Variants in LRMDA observed in about 807,000 individuals in gnomAD.
The protein encoded by LRMDA is leucine-rich melanocyte differentiation-associated protein.
A neutral mutation model predicts 29.8 loss-of-function variants in LRMDA; 18 were observed. The observed-to-expected ratio is 0.60, with a 90% CI of 0.42 to 0.90. The LOEUF (loss-of-function observed/expected upper bound fraction) is 0.90, where lower values mean the gene tolerates loss of function less well. Ranked by LOEUF, LRMDA falls within the 40% of genes least tolerant of loss-of-function variation. The pLI is 0.00. For synonymous variants in LRMDA, 125 were observed against 109.4 expected, an observed-to-expected ratio of 1.14 and a Z score of -0.89; for missense variants, 273 against 273.9, an observed-to-expected ratio of 1.00 and a Z score of 0.02.
intron 2 of LRMDA, among the ~76,000 whole-genome samples, chr10:75,889,815 C>T (rs1845453138): frequency 6.6e-6 from 1 of 152,200 alleles, no homozygotes; most frequent in Non-Finnish European, 1.5e-5. Flanking sequence ...AGAGACAAGA[C>T]CATTCTATGA....
chr10:75,933,367 G>A (rs1384030957), intron 2 of LRMDA, among the ~76,000 whole-genome samples: 4 of 152,152 alleles, frequency 2.6e-5, no homozygotes, highest in Non-Finnish European at 5.9e-5. Flanking sequence ...GACTTGCTTT[G>A]CATCCCTACA....
chr10:75,527,598 T>TCA (rs10700062), intron 2 of LRMDA, among the ~76,000 whole-genome samples: 73,084 of 149,686 alleles, frequency 0.49, 20,351 homozygotes, highest in African/African-American at 0.78. Flanking sequence ...AGGCATAAAC[T>TCA]CAGGATGAAG....
intron 2 of LRMDA, among the ~76,000 whole-genome samples, chr10:75,770,898 T>C (rs1168797496): frequency 6.6e-6 from 1 of 152,054 alleles, no homozygotes; most frequent in South Asian, 2.1e-4. Context: ...CAGAGGGAGA[T>C]AGCTGTGAGT....
At chr10:75,842,537 C>T (rs1229997795) in intron 2 of LRMDA, among the ~76,000 whole-genome samples, 1 of 152,052 alleles carries the variant, frequency 6.6e-6, no homozygotes, top group Non-Finnish European at 1.5e-5. Flanking sequence ...TTGGTGAAAT[C>T]AATTTAGAGG....
intron 6 of LRMDA, among the ~76,000 whole-genome samples, chr10:76,521,732 A>G (rs1843123191): frequency 6.6e-6 from 1 of 152,208 alleles, no homozygotes; most frequent in East Asian, 1.9e-4. Flanking sequence ...TCCCTCAGAT[A>G]TAAATATTTT....
At chr10:75,447,043 C>A (rs911855998) in intron 2 of LRMDA, among the ~76,000 whole-genome samples, 2 of 152,170 alleles carry the variant, frequency 1.3e-5, no homozygotes, top group Non-Finnish European at 2.9e-5. Flanking sequence ...AAGCCTTGAG[C>A]AGAAGAGGTG....
chr10:76,412,397 A>G (rs797017477), intron 6 of LRMDA, among the ~76,000 whole-genome samples: 1 of 152,162 alleles, frequency 6.6e-6, no homozygotes, highest in African/African-American at 2.4e-5. Context: ...ACACAACCTT[A>G]TTTGTTCTTC....
In LRMDA at chr10:76,083,833, CA is replaced by C. The variant is rs71024585; in HGVS notation, c.516+25067del. Among the ~76,000 whole-genome samples, 364 of 116,952 alleles carry C rather than the reference CA, an allele frequency of 3.1e-3. 3 individuals carry two copies. The highest frequency in any genetic ancestry group is 0.022 in the South Asian group (72 of 3,214). 76.7% of individuals were successfully genotyped at this position (116,952 alleles called of 152,430 possible). A position where few individuals can be genotyped will look rare whatever the true frequency, so the allele number is the denominator to read the frequency against. On this transcript the variant is annotated intron_variant, in intron 5 of 6. Transcript: ENST00000611255. ...TGGGCAACAGAGCTAGACTGCATCT[CA>C]AAAAAAAAAAAAAAAAGGGGCTCTA...
chr10:75,539,969 C>G (rs1034577718), intron 2 of LRMDA, among the ~76,000 whole-genome samples: 1 of 152,120 alleles, frequency 6.6e-6, no homozygotes, highest in African/African-American at 2.4e-5. Context: ...AGGTTATTAA[C>G]AGATTCACTA....
intron 6 of LRMDA, among the ~76,000 whole-genome samples, chr10:76,461,610 T>C (rs1258566935): frequency 6.6e-6 from 1 of 152,116 alleles, no homozygotes; most frequent in Non-Finnish European, 1.5e-5. Flanking sequence ...GTAATAAAGC[T>C]CCTGACAGAG....
intron 2 of LRMDA, among the ~76,000 whole-genome samples, chr10:75,681,552 G>A (rs1273779835): frequency 1.3e-5 from 2 of 152,186 alleles, no homozygotes; most frequent in Non-Finnish European, 2.9e-5. Context: ...TTGTTCTGGG[G>A]CACAGGCTGA....
intron 2 of LRMDA, among the ~76,000 whole-genome samples, chr10:75,497,621 C>CT (rs1564786168): frequency 6.6e-6 from 1 of 151,904 alleles, no homozygotes; most frequent in Non-Finnish European, 1.5e-5. Context: ...TGCTCCCTCC[C>CT]CTCCATAGGC....
At chr10:75,829,910 G>A (rs966803988) in intron 2 of LRMDA, among the ~76,000 whole-genome samples, 1 of 131,802 alleles carries the variant, frequency 7.6e-6, no homozygotes, top group South Asian at 2.4e-4. Flanking sequence ...CAACTTCATC[G>A]TGAAAAGATG....
chr10:76,347,727 AT>A (rs1179333847), intron 6 of LRMDA, among the ~76,000 whole-genome samples: 2 of 152,150 alleles, frequency 1.3e-5, no homozygotes, highest in Non-Finnish European at 2.9e-5. Context: ...TGGACTGGTA[AT>A]TTTGTTTTGT....
chr10:75,523,949 A>C (rs1486012969), intron 2 of LRMDA, among the ~76,000 whole-genome samples: 1 of 152,218 alleles, frequency 6.6e-6, no homozygotes, highest in Admixed American at 6.5e-5. Flanking sequence ...GTCAACTGTC[A>C]GTGACTTGGC....
intron 2 of LRMDA, among the ~76,000 whole-genome samples, chr10:75,888,094 G>C (rs760614952): frequency 1.3e-5 from 2 of 152,026 alleles, no homozygotes; most frequent in African/African-American, 2.4e-5. Flanking sequence ...GGTCACTCTC[G>C]ATAAGACACT....
intron 5 of LRMDA, among the ~76,000 whole-genome samples, chr10:76,160,442 A>T (rs1035326374): frequency 1.3e-5 from 2 of 151,980 alleles, no homozygotes; most frequent in Admixed American, 6.6e-5. Flanking sequence ...TATATTTAAA[A>T]TTTTTTTTCT....
At chr10:76,059,561 A>G (rs181763391) in intron 5 of LRMDA, among the ~76,000 whole-genome samples, 33 of 152,308 alleles carry the variant, frequency 2.2e-4, no homozygotes, top group South Asian at 4.1e-4. Flanking sequence ...TTGGAGAACC[A>G]TCATTGCCTT....
chr10:76,485,190 T>C (rs1907331), intron 6 of LRMDA, among the ~76,000 whole-genome samples: 38,506 of 151,790 alleles, frequency 0.25, 5,719 homozygotes, highest in Non-Finnish European at 0.34. Flanking sequence ...TTTCCACTTA[T>C]TGAACTTGTT....
Sources: allele counts gnomAD v4.1 joint callset (sites outside exome capture counted in the v4.1 genomes callset), GRCh38; gene constraint gnomAD v4.1.1; transcripts MANE v1.5; gene names NCBI Gene and HGNC (gene_info 2026-07-23, HGNC 2026-07-21).